Variants in MBNL2 observed in about 807,000 individuals in gnomAD.
MBNL2 encodes muscleblind like splicing regulator 2, also known as muscleblind-like protein 2.
A neutral mutation model predicts 41.9 loss-of-function variants in MBNL2; 17 were observed. That is an observed-to-expected ratio of 0.41 (90% CI 0.28 to 0.61). The LOEUF (loss-of-function observed/expected upper bound fraction) is 0.61. Among genes scored for constraint, MBNL2 ranks in the 20% least tolerant of loss-of-function variants. MBNL2 has a pLI of 0.35. For synonymous variants in MBNL2, 195 were observed against 182.9 expected (o/e 1.07, Z -0.53); for missense variants, 336 against 505.6 (o/e 0.66, Z 3.22).
chr13:97,314,134 C>T (rs775242922), intron 2 of MBNL2, among the ~76,000 whole-genome samples: 31 of 152,214 alleles, frequency 2.0e-4, no homozygotes, highest in Admixed American at 4.6e-4. Context: ...AGTTACTGCT[C>T]TTACCCTCAC....
the MBNL2 span, among the ~76,000 whole-genome samples, chr13:97,170,512 G>C: frequency 6.6e-6 from 1 of 152,096 alleles, no homozygotes; most frequent in East Asian, 1.9e-4. Context: ...AAGCTCGTAG[G>C]TTAGGGATTT....
the MBNL2 span, among the ~76,000 whole-genome samples, chr13:97,194,785 T>C: frequency 1.3e-5 from 2 of 152,204 alleles, no homozygotes; most frequent in African/African-American, 2.4e-5. Context: ...ATTAACATGC[T>C]AAAAGATGCT....
At chr13:97,365,326 C>T (rs943703222) in intron 8 of MBNL2, among the ~76,000 whole-genome samples, 155 bp downstream of exon 8, 1 of 152,104 alleles carries the variant, frequency 6.6e-6, no homozygotes, top group African/African-American at 2.4e-5. Context: ...TAAAAATGTA[C>T]TTGTATATTT....
At chr13:97,379,897 A>G (rs899312566) in intron 8 of MBNL2, among the ~76,000 whole-genome samples, 4 of 152,218 alleles carry the variant, frequency 2.6e-5, no homozygotes, top group Admixed American at 1.3e-4. Flanking sequence ...TGTGAGTTTT[A>G]TGCTATGTCT....
chr13:97,261,941 G>A (rs1383723677), intron 1 of MBNL2, among the ~76,000 whole-genome samples: 2 of 152,140 alleles, frequency 1.3e-5, no homozygotes, highest in Non-Finnish European at 2.9e-5. Context: ...GCCGCACGCT[G>A]GCCCATACCT....
chr13:97,193,917 G>A, the MBNL2 span, among the ~76,000 whole-genome samples: 56 of 152,092 alleles, frequency 3.7e-4, no homozygotes, highest in Non-Finnish European at 7.4e-4. Context: ...CTTCTCTCTC[G>A]CTATGCTCCA....
the MBNL2 span, among the ~76,000 whole-genome samples, chr13:97,214,284 C>T: frequency 6.6e-6 from 1 of 152,190 alleles, no homozygotes; most frequent in East Asian, 1.9e-4. Context: ...TAAAACTTGG[C>T]TTTAATGACC....
the MBNL2 span, among the ~76,000 whole-genome samples, chr13:97,197,029 T>G: frequency 6.6e-6 from 1 of 152,210 alleles, no homozygotes; most frequent in African/African-American, 2.4e-5. Context: ...CTTTCAGTGA[T>G]ACTGCAAATT....
Position 97,346,240 on chromosome 13 carries a change from AATAGATGGATGG to A in MBNL2, c.541-561_541-550del, listed in dbSNP as rs1053207221. Among the ~76,000 whole-genome samples, 2 of 115,716 alleles carry A rather than the reference AATAGATGGATGG, an allele frequency of 1.7e-5. No homozygotes were observed. The highest frequency in any genetic ancestry group is 1.1e-4 in the African/African-American group (2 of 17,556). The allele number at this position is 115,716 out of a possible 152,430, so 75.9% of individuals were successfully genotyped here. ...TAAAAATAATGATAGATTAACAGAT[AATAGATGGATGG>A]ATGGATGGATGGATGGATGGATAGA... is the stretch of plus-strand genomic sequence containing the variant. On this transcript the variant is annotated intron_variant, in intron 4 of 8. Coordinates refer to ENST00000679496, the MANE Select transcript of MBNL2 (RefSeq NM_001382683.1). The surrounding 1 kb of genome is among the most constrained non-coding windows in gnomAD (Gnocchi z 4.2).
At chr13:97,263,700 C>A (rs1196345936) in intron 1 of MBNL2, among the ~76,000 whole-genome samples, 2 of 152,114 alleles carry the variant, frequency 1.3e-5, no homozygotes, top group African/African-American at 4.8e-5. Flanking sequence ...TCACTGCAAG[C>A]TCTGCCTCCT....
chr13:97,148,634 C>A, the MBNL2 span, among the ~76,000 whole-genome samples: 1 of 151,926 alleles, frequency 6.6e-6, no homozygotes, highest in Non-Finnish European at 1.5e-5. Context: ...TAAATAAAGT[C>A]TATTTAAAAA....
chr13:97,357,657 C>T lies in MBNL2; in HGVS notation c.1012+22C>T, dbSNP rs372237643. ...ACAGGTATGTGCCCTTACTGCCCTACGTCCTGTGCCCTTCTGGTCATGTGC... is the reference window on the plus strand; with the variant it reads ...ACAGGTATGTGCCCTTACTGCCCTATGTCCTGTGCCCTTCTGGTCATGTGC... On this transcript the variant is annotated intron_variant, in intron 7 of 8. Coordinates refer to ENST00000679496, the MANE Select transcript of MBNL2 (RefSeq NM_001382683.1). The T allele has an allele frequency of 3.9e-5, 63 of 1,610,916 alleles. No homozygotes were observed. In the South Asian group the frequency reaches 6.2e-4, roughly 16 times the overall value.
intron 2 of MBNL2, among the ~76,000 whole-genome samples, chr13:97,326,046 A>G (rs2059886773): frequency 6.6e-6 from 1 of 152,122 alleles, no homozygotes; most frequent in African/African-American, 2.4e-5. Flanking sequence ...CAGATTTGCA[A>G]CTCCCTTGAA....
chr13:97,304,847 A>G (rs1432499831), intron 2 of MBNL2, among the ~76,000 whole-genome samples: 2 of 152,258 alleles, frequency 1.3e-5, no homozygotes, highest in Non-Finnish European at 2.9e-5. Flanking sequence ...AATAAGTTCT[A>G]TAGTGTTACT....
At chr13:97,238,083 C>G (rs1477280054) in intron 1 of MBNL2, among the ~76,000 whole-genome samples, 1 of 152,142 alleles carries the variant, frequency 6.6e-6, no homozygotes, top group Admixed American at 6.5e-5. Flanking sequence ...TGGGGGAAGA[C>G]AATAAAATTG....
chr13:97,198,741 T>C, the MBNL2 span, among the ~76,000 whole-genome samples: 1 of 152,074 alleles, frequency 6.6e-6, no homozygotes, highest in Non-Finnish European at 1.5e-5. Flanking sequence ...TCTCTCTCTT[T>C]TTCTTTTCAC....
At chr13:97,289,732 T>TG (rs1160112064) in intron 2 of MBNL2, among the ~76,000 whole-genome samples, 4 of 152,188 alleles carry the variant, frequency 2.6e-5, no homozygotes, top group Admixed American at 2.6e-4. Context: ...TGCAGCCCAA[T>TG]GGGGTAATCA....
the MBNL2 span, among the ~76,000 whole-genome samples, chr13:97,156,870 G>A: frequency 1.3e-5 from 2 of 152,180 alleles, no homozygotes; most frequent in African/African-American, 4.8e-5. Flanking sequence ...GATTGACTTG[G>A]TGATGCGGGC....
chr13:97,164,930 C>T, the MBNL2 span, among the ~76,000 whole-genome samples: 9 of 152,202 alleles, frequency 5.9e-5, no homozygotes, highest in South Asian at 1.0e-3. Context: ...CAAGGCTGGG[C>T]GTGGTGGCTC....
Sources: gnomAD v4.1 joint callset for allele counts (sites outside exome capture counted in the v4.1 genomes callset) on GRCh38, gnomAD v4.1.1 for gene constraint, Gnocchi (gnomAD v3.1) non-coding constraint, MANE v1.5 for transcripts, NCBI Gene and HGNC (gene_info 2026-07-23, HGNC 2026-07-21) for gene names.